Variants in SLCO1B3 observed in about 807,000 individuals in gnomAD.
SLCO1B3 encodes liver-specific organic anion transporter 2.
Under a neutral mutation model 71.8 loss-of-function variants are expected in SLCO1B3, and 72 were observed. The observed-to-expected ratio is 1.00, with a 90% CI of 0.83 to 1.22. The LOEUF (loss-of-function observed/expected upper bound fraction) is 1.22, where lower values mean the gene tolerates loss of function less well. SLCO1B3 is among the 50% of genes most tolerant of loss of function. The pLI is 0.00. For synonymous variants in SLCO1B3, 298 were observed against 278.4 expected (o/e 1.07, Z -0.70); for missense variants, 911 against 819.7 (o/e 1.11, Z -1.36).
rs530255236 is a variant in SLCO1B3, at chr12:20,827,619, T to A, written c.84+11797T>A. On this transcript the variant is annotated intron_variant, in intron 3 of 15. Coordinates refer to ENST00000381545, the MANE Select transcript of SLCO1B3 (RefSeq NM_019844.4). Reference sequence around the variant, plus strand: ...CAGAGTCTCACTCCGTTGCCCGGGCTGGAGTGCAGTGGCATGATCTCAGTT... The same window carrying A: ...CAGAGTCTCACTCCGTTGCCCGGGCAGGAGTGCAGTGGCATGATCTCAGTT... Among the ~76,000 whole-genome samples the A allele has an allele frequency of 2.6e-5, 4 of 152,190 alleles. No homozygotes were observed. The South Asian group carries it at 6.2e-4, about 24-fold the overall frequency.
At chr12:20,893,775 T>C (rs1156700717) in intron 13 of SLCO1B3, among the ~76,000 whole-genome samples, 2 of 152,140 alleles carry the variant, frequency 1.3e-5, no homozygotes, top group Non-Finnish European at 2.9e-5. Flanking sequence ...TAGTAAACCA[T>C]GTGGAATGAG....
intron 6 of SLCO1B3, 106 bp downstream of exon 6, chr12:20,861,244 A>G (rs7306033): frequency 0.13 from 131,376 of 1,009,760 alleles, 9,606 homozygotes; most frequent in Middle Eastern, 0.24. Flanking sequence ...AACAAATAGG[A>G]AGAACATTTA....
At chr12:20,899,386 G>A (rs529228670) in intron 14 of SLCO1B3, among the ~76,000 whole-genome samples, 7 of 152,274 alleles carry the variant, frequency 4.6e-5, no homozygotes, top group African/African-American at 9.6e-5. Context: ...GGTAACCACT[G>A]ATGGCAGAAG....
In SLCO1B3 at chr12:20,862,772, A is replaced by G. The variant is rs142673817; in HGVS notation, c.645A>G (p.Ile215Met). The G allele has an allele frequency of 1.7e-4, 269 of 1,610,408 alleles. No individual in the cohort carries two copies. The African/African-American group carries it at 2.7e-3, about 16-fold the overall frequency. ...TACTTACAGGTAGTTTGAATGCAAT[A>G]GGAATGATTGGTCCAGTCATTGGCT... is the stretch of plus-strand genomic sequence containing the variant. ...SSLYLGSLNA[I>M]GMIGPVIGFA... Residue 215 changes from isoleucine to methionine, a missense_variant, in exon 8 of 16, where the codon ATA (isoleucine) becomes ATG (methionine). Transcript: ENST00000381545.
intron 3 of SLCO1B3, among the ~76,000 whole-genome samples, chr12:20,826,371 A>G (rs574538012): frequency 6.6e-6 from 1 of 152,262 alleles, no homozygotes; most frequent in Admixed American, 6.5e-5. Context: ...GGACACAATA[A>G]AAGTTGAACT....
rs540884344 is a variant in SLCO1B3, at chr12:20,879,859, C to T, written c.1331+228C>T. Among the ~76,000 whole-genome samples the T allele has an allele frequency of 3.9e-4, 60 of 152,030 alleles. 1 individual carries two copies. The South Asian group carries it at 0.012, about 31-fold the overall frequency. On this transcript the variant is annotated intron_variant, in intron 11 of 15. Transcript: ENST00000381545. Reference sequence around the variant, plus strand: ...GTTGAAATAATAATACCTATGATTTCTGGGTAATTAAAATGAGTGGTAGAC... The same window carrying T: ...GTTGAAATAATAATACCTATGATTTTTGGGTAATTAAAATGAGTGGTAGAC...
At chr12:20,913,281 A>G (rs1197519062) in intron 15 of SLCO1B3, among the ~76,000 whole-genome samples, 1 of 152,170 alleles carries the variant, frequency 6.6e-6, no homozygotes, top group East Asian at 1.9e-4. Flanking sequence ...ACAATACACT[A>G]TGTACCATAG....
rs556470142 is a variant in SLCO1B3 at position 20,810,774 on chromosome 12, G to A, written c.-181+10G>A. 21 of 152,150 alleles carry A rather than the reference G, an allele frequency of 1.4e-4. No homozygotes were observed. Among genetic ancestry groups the A allele is most frequent in the South Asian group, 6.2e-4 (3 of 4,836 alleles). 9.4% of individuals were successfully genotyped at this position (152,150 alleles called of 1,614,324 possible). The stretch of plus-strand genomic sequence containing the variant: ...AGCATTCAAAGTCAAGGTAAGAACC[G>A]TCGAGGTTGTCTAATTAAAACATTT... On this transcript the variant is annotated intron_variant, in intron 1 of 15. Coordinates refer to ENST00000381545, the MANE Select transcript of SLCO1B3 (RefSeq NM_019844.4).
chr12:20,910,312 C>T (rs184238409), intron 15 of SLCO1B3, among the ~76,000 whole-genome samples: 18 of 152,182 alleles, frequency 1.2e-4, no homozygotes, highest in Non-Finnish European at 1.9e-4. Context: ...CTTACCTATT[C>T]GTATATTATT....
intron 12 of SLCO1B3, among the ~76,000 whole-genome samples, 186 bp from the exon 13 acceptor site, chr12:20,883,232 A>G (rs1865726542): frequency 6.6e-6 from 1 of 152,158 alleles, no homozygotes; most frequent in African/African-American, 2.4e-5. Flanking sequence ...AATTTCATAC[A>G]CTAATTTCTT....
intron 8 of SLCO1B3, among the ~76,000 whole-genome samples, chr12:20,872,697 C>T (rs550921120): frequency 6.6e-6 from 1 of 152,162 alleles, no homozygotes; most frequent in East Asian, 1.9e-4. Context: ...GCAGTGGATT[C>T]CTTTTTGGCC....
chr12:20,895,797 TC>T (rs1278274317), intron 13 of SLCO1B3, among the ~76,000 whole-genome samples: 1 of 152,198 alleles, frequency 6.6e-6, no homozygotes, highest in Non-Finnish European at 1.5e-5. Flanking sequence ...CATTTTCCGT[TC>T]ATACTGCCCT....
intron 8 of SLCO1B3, among the ~76,000 whole-genome samples, chr12:20,871,881 G>T (rs1408048231): frequency 6.6e-6 from 1 of 151,850 alleles, no homozygotes; most frequent in Non-Finnish European, 1.5e-5. Context: ...ACTACTGTCG[G>T]GCTACCATCT....
intron 15 of SLCO1B3, among the ~76,000 whole-genome samples, chr12:20,912,120 A>G (rs1459411003): frequency 6.6e-6 from 1 of 151,878 alleles, no homozygotes; most frequent in Admixed American, 6.6e-5. Flanking sequence ...ATATTTTTAA[A>G]TTTCTCATGA....
At chr12:20,890,229 T>TA (rs75321468) in intron 13 of SLCO1B3, among the ~76,000 whole-genome samples, 22 of 151,584 alleles carry the variant, frequency 1.5e-4, no homozygotes, top group African/African-American at 2.4e-4. Flanking sequence ...TCATTTCAAT[T>TA]AAAAAAAAAA....
chr12:20,844,246 A>G (rs1393402934), intron 3 of SLCO1B3, among the ~76,000 whole-genome samples: 1 of 152,014 alleles, frequency 6.6e-6, no homozygotes, highest in Non-Finnish European at 1.5e-5. Flanking sequence ...CCTTACATAT[A>G]TATATGTATG....
intron 4 of SLCO1B3, 86 bp from the exon 5 acceptor site, chr12:20,858,353 C>A: frequency 2.2e-6 from 2 of 896,564 alleles, no homozygotes; most frequent in East Asian, 2.6e-5. Flanking sequence ...ATGTCTTGGG[C>A]ATATTTGCAT....
chr12:20,820,528 GTTC>G, intron 3 of SLCO1B3, among the ~76,000 whole-genome samples: 1 of 152,296 alleles, frequency 6.6e-6, no homozygotes. Context: ...GCGTTTGGAA[GTTC>G]TTGTGTGCTG....
Position 20,907,699 on chromosome 12 carries a change from C to A in SLCO1B3, c.1865+6232C>A, listed in dbSNP as rs544968953. Among the ~76,000 whole-genome samples the A allele has an allele frequency of 4.4e-3, 660 of 151,548 alleles. 6 individuals are homozygous for A. Among genetic ancestry groups the A allele is most frequent in the African/African-American group, 0.015 (602 of 41,294 alleles). ...AATTTTTTTGTATCTCTACTAGATA[C>A]GGTTTCGCCATGTTGGCCAGGCTAG... is the stretch of plus-strand genomic sequence containing the variant. On this transcript the variant is annotated intron_variant, in intron 15 of 15. Transcript: ENST00000381545.
Sources: gnomAD v4.1 joint callset for allele counts (sites outside exome capture counted in the v4.1 genomes callset) on GRCh38, gnomAD v4.1.1 for gene constraint, MANE v1.5 for transcripts, NCBI Gene and HGNC (gene_info 2026-07-23, HGNC 2026-07-21) for gene names.